Variants in RGS6 observed in about 807,000 individuals in gnomAD.
RGS6 encodes the protein regulator of G protein signaling 6, also known as regulator of G-protein signaling 6.
In RGS6, 30 loss-of-function variants were observed where a neutral mutation model predicts 78.5. The ratio of observed to expected loss-of-function variants is 0.38; its 90% CI spans 0.29 to 0.52. The LOEUF (loss-of-function observed/expected upper bound fraction) is 0.52. RGS6 is among the 20% of genes least tolerant of loss of function. The pLI is 0.85. For synonymous variants in RGS6, 206 were observed against 206.0 expected (o/e 1.00, Z 0.00); for missense variants, 495 against 609.7 (o/e 0.81, Z 1.98).
At chr14:72,317,902 G>A (rs2070764483) in intron 2 of RGS6, among the ~76,000 whole-genome samples, 1 of 152,192 alleles carries the variant, frequency 6.6e-6, no homozygotes, top group African/African-American at 2.4e-5. Context: ...TCTGCAAGCT[G>A]AGGGGCAAGG....
At chr14:72,330,384 C>A (rs551010223) in intron 2 of RGS6, among the ~76,000 whole-genome samples, 1 of 152,220 alleles carries the variant, frequency 6.6e-6, no homozygotes, top group African/African-American at 2.4e-5. Context: ...GACCTCACTG[C>A]ACCCTTCAGC....
chr14:72,342,404 A>C (rs2077175097), intron 2 of RGS6, among the ~76,000 whole-genome samples: 1 of 151,992 alleles, frequency 6.6e-6, no homozygotes, highest in African/African-American at 2.4e-5. Context: ...CATATCTCCC[A>C]AAAATACAAA....
intron 2 of RGS6, among the ~76,000 whole-genome samples, chr14:72,159,224 C>T (rs1297113679): frequency 3.9e-5 from 6 of 152,114 alleles, no homozygotes; most frequent in African/African-American, 1.4e-4. Context: ...ATTATGCGAA[C>T]CATCTCAGGG....
chr14:72,455,102 C>T (rs1292823655), intron 4 of RGS6, among the ~76,000 whole-genome samples: 2 of 152,082 alleles, frequency 1.3e-5, no homozygotes, highest in African/African-American at 4.8e-5. Context: ...AGTCTGTTCT[C>T]CCACCAGAAA....
chr14:72,560,430 C>A (rs11844700), intron 17 of RGS6, among the ~76,000 whole-genome samples: 1,619 of 152,310 alleles, frequency 0.011, 34 homozygotes, highest in African/African-American at 0.037. Flanking sequence ...ATGCCCCACA[C>A]CCCCATGTTT....
At chr14:72,241,165 A>AC (rs1017510179) in intron 2 of RGS6, among the ~76,000 whole-genome samples, 5 of 151,916 alleles carry the variant, frequency 3.3e-5, no homozygotes, top group East Asian at 3.9e-4. Flanking sequence ...CAAAAAAAAA[A>AC]AAAAAACAAA....
chr14:72,475,349 G>C (rs571869307), intron 10 of RGS6, among the ~76,000 whole-genome samples: 6 of 151,950 alleles, frequency 3.9e-5, no homozygotes, highest in South Asian at 2.1e-4. Context: ...GCCATGCTCA[G>C]ACTCCCCCAC....
chr14:71,870,232 G>A, the RGS6 span, among the ~76,000 whole-genome samples: 1 of 151,878 alleles, frequency 6.6e-6, no homozygotes, highest in South Asian at 2.1e-4. Flanking sequence ...TCAATGATTA[G>A]CTCCTTTGCA....
At chr14:72,533,865 T>G (rs2097212142) in intron 15 of RGS6, among the ~76,000 whole-genome samples, 1 of 152,242 alleles carries the variant, frequency 6.6e-6, no homozygotes, top group Admixed American at 6.5e-5. Flanking sequence ...GAAAGTGGTT[T>G]CTTGAGATGG....
chr14:72,254,935 T>G (rs1043903602), intron 2 of RGS6, among the ~76,000 whole-genome samples: 2 of 152,330 alleles, frequency 1.3e-5, no homozygotes, highest in African/African-American at 2.4e-5. Context: ...GAGCAGTGTT[T>G]TAACCATATT....
chr14:72,247,263 G>T (rs376292920), intron 2 of RGS6, among the ~76,000 whole-genome samples: 2 of 152,044 alleles, frequency 1.3e-5, no homozygotes, highest in Non-Finnish European at 2.9e-5. Flanking sequence ...CCTGAAAGTT[G>T]GGGTTAGCCT....
the RGS6 span, among the ~76,000 whole-genome samples, chr14:71,887,270 C>T: frequency 6.6e-6 from 1 of 152,086 alleles, no homozygotes; most frequent in Non-Finnish European, 1.5e-5. Flanking sequence ...GTTAACTGTA[C>T]AAATTGATTG....
intron 14 of RGS6, chr14:72,516,922 A>C (rs2096952796): frequency 6.6e-6 from 1 of 152,178 alleles, no homozygotes; most frequent in Admixed American, 6.5e-5. Context: ...GGTTCCTTTA[A>C]GGAGATCATC....
intron 2 of RGS6, among the ~76,000 whole-genome samples, chr14:72,296,372 G>A (rs2152370331): frequency 6.6e-6 from 1 of 152,276 alleles, no homozygotes; most frequent in South Asian, 2.1e-4. Flanking sequence ...TAGAATTGCT[G>A]AGTGATAAGA....
chr14:72,616,777 C>CA, the RGS6 span, among the ~76,000 whole-genome samples: 133 of 151,596 alleles, frequency 8.8e-4, no homozygotes, highest in South Asian at 4.2e-3. Flanking sequence ...CTCTGGGGTT[C>CA]AAAAAAAAGA....
At chr14:72,516,054 G>T (rs55711527) in intron 14 of RGS6, among the ~76,000 whole-genome samples, 2,806 of 152,350 alleles carry the variant, frequency 0.018, 92 homozygotes, top group African/African-American at 0.065. Flanking sequence ...TCTCCTGTCT[G>T]CCTAGCATGG....
At chr14:72,498,302 G>C (rs575892581) in intron 13 of RGS6, among the ~76,000 whole-genome samples, 33 of 151,934 alleles carry the variant, frequency 2.2e-4, no homozygotes, top group African/African-American at 7.2e-4. Context: ...TTTTATTCGG[G>C]GTTATTCATT....
At chr14:72,550,177 G>C (rs1165959366) in intron 17 of RGS6, among the ~76,000 whole-genome samples, 1 of 152,122 alleles carries the variant, frequency 6.6e-6, no homozygotes, top group Non-Finnish European at 1.5e-5. Flanking sequence ...CATTAAACAT[G>C]GCGATCCCGG....
At chr14:71,928,426 A>T (rs1403876757), upstream of RGS6, among the ~76,000 whole-genome samples, 1 of 152,238 alleles carries the variant, frequency 6.6e-6, no homozygotes, top group Non-Finnish European at 1.5e-5. Flanking sequence ...AAGTATCATC[A>T]GCTGTCAAAT....
Sources: allele counts gnomAD v4.1 joint callset (sites outside exome capture counted in the v4.1 genomes callset), GRCh38; gene constraint gnomAD v4.1.1; transcripts MANE v1.5; gene names NCBI Gene and HGNC (gene_info 2026-07-23, HGNC 2026-07-21).